The following SPAG16 variants were observed in gnomAD, a reference collection of about 807,000 sequenced individuals.
The protein encoded by SPAG16 is sperm-associated antigen 16 protein.
A neutral mutation model predicts 80.4 loss-of-function variants in SPAG16; 86 were observed. The observed-to-expected ratio is 1.07, with a 90% confidence interval of 0.90 to 1.28. The LOEUF (loss-of-function observed/expected upper bound fraction) is 1.28. Ranked by LOEUF, SPAG16 falls within the 50% of genes most tolerant of loss-of-function variation. The pLI, the probability that SPAG16 is intolerant of heterozygous loss-of-function variation, is 0.00. For missense variants in SPAG16, 870 were observed against 765.3 expected (o/e 1.14, Z -1.61); for synonymous variants, 294 against 265.9 (o/e 1.11, Z -1.03).
At chr2:213,875,590 C>T (rs2076112826) in intron 11 of SPAG16, among the ~76,000 whole-genome samples, 1 of 152,142 alleles carries the variant, frequency 6.6e-6, no homozygotes, top group Admixed American at 6.6e-5. Context: ...AAAAATAAAA[C>T]TTTAATTTCA....
intron 15 of SPAG16, among the ~76,000 whole-genome samples, chr2:214,384,361 G>T (rs1174653959): frequency 6.6e-6 from 1 of 152,180 alleles, no homozygotes; most frequent in African/African-American, 2.4e-5. Context: ...AGATGCTACA[G>T]ATAATCCTGT....
intron 15 of SPAG16, among the ~76,000 whole-genome samples, chr2:214,304,681 C>T (rs1008996599): frequency 1.3e-5 from 2 of 152,110 alleles, no homozygotes; most frequent in Non-Finnish European, 1.5e-5. Flanking sequence ...AGTGCCACTG[C>T]GTTAGGGTCT....
intron 13 of SPAG16, among the ~76,000 whole-genome samples, chr2:214,066,520 T>C (rs1321022585): frequency 6.6e-6 from 1 of 152,196 alleles, no homozygotes; most frequent in Non-Finnish European, 1.5e-5. Flanking sequence ...TTATTATAGT[T>C]GTCATTATTC....
At chr2:213,825,715 T>C (rs2073245227) in intron 10 of SPAG16, among the ~76,000 whole-genome samples, 1 of 148,840 alleles carries the variant, frequency 6.7e-6, no homozygotes, top group Non-Finnish European at 1.5e-5. Flanking sequence ...TTTTTTTTTT[T>C]TTTTTTTTGA....
intron 13 of SPAG16, among the ~76,000 whole-genome samples, chr2:214,070,847 A>G (rs968166445): frequency 6.6e-6 from 1 of 152,032 alleles, no homozygotes; most frequent in Non-Finnish European, 1.5e-5. Context: ...AATGTTATGC[A>G]GTTTTCTTTT....
intron 10 of SPAG16, among the ~76,000 whole-genome samples, chr2:213,737,772 G>A (rs1376166619): frequency 6.6e-6 from 1 of 152,222 alleles, no homozygotes; most frequent in South Asian, 2.1e-4. Context: ...ACAGGCGTGA[G>A]CCACCGCGCC....
intron 11 of SPAG16, among the ~76,000 whole-genome samples, chr2:213,907,561 A>G (rs943637072): frequency 6.6e-6 from 1 of 152,212 alleles, no homozygotes; most frequent in African/African-American, 2.4e-5. Flanking sequence ...TAAAAGCAGT[A>G]TATCAAAGTG....
At chr2:213,929,485 T>G (rs1197909916) in intron 11 of SPAG16, among the ~76,000 whole-genome samples, 1 of 152,214 alleles carries the variant, frequency 6.6e-6, no homozygotes, top group African/African-American at 2.4e-5. Context: ...TCATTCCTGA[T>G]TCACTTCTTC....
chr2:213,757,197 C>T (rs2068390843), intron 10 of SPAG16, among the ~76,000 whole-genome samples: 1 of 152,068 alleles, frequency 6.6e-6, no homozygotes, highest in African/African-American at 2.4e-5. Flanking sequence ...AAACTACAAA[C>T]ATTTCTAAAG....
At chr2:213,921,059 G>T (rs929131974) in intron 11 of SPAG16, among the ~76,000 whole-genome samples, 8 of 152,162 alleles carry the variant, frequency 5.3e-5, no homozygotes, top group Non-Finnish European at 1.0e-4. Flanking sequence ...GTAGCCTCCT[G>T]TAGGGTTCCC....
intron 10 of SPAG16, among the ~76,000 whole-genome samples, chr2:213,535,820 TC>T (rs545398083): frequency 3.2e-3 from 483 of 152,276 alleles, no homozygotes; most frequent in Non-Finnish European, 6.0e-3. Context: ...ACATTTTTTT[TC>T]ATGAGTCTTG....
At chr2:214,351,212 T>C (rs1006401870) in intron 15 of SPAG16, among the ~76,000 whole-genome samples, 2 of 152,176 alleles carry the variant, frequency 1.3e-5, no homozygotes, top group African/African-American at 4.8e-5. Flanking sequence ...TTGAAATTAC[T>C]AAAAGAGAAA....
At chr2:213,696,749 A>C (rs1294097618) in intron 10 of SPAG16, among the ~76,000 whole-genome samples, 3 of 152,188 alleles carry the variant, frequency 2.0e-5, no homozygotes, top group African/African-American at 7.2e-5. Context: ...GAGGGGTGTC[A>C]TTTGTTATAA....
intron 10 of SPAG16, among the ~76,000 whole-genome samples, chr2:213,576,477 A>G (rs1165465795): frequency 6.6e-6 from 1 of 152,190 alleles, no homozygotes; most frequent in African/African-American, 2.4e-5. Context: ...TACTGGATAT[A>G]TACCCAAAGG....
rs184201371 is a variant in SPAG16 at position 213,513,515 on chromosome 2, A to C, written c.1070+23425A>C. Among the ~76,000 whole-genome samples, 305 of 152,130 alleles carry C rather than the reference A, an allele frequency of 2.0e-3. 10 individuals are homozygous for C. Among genetic ancestry groups the C allele is most frequent in the Non-Finnish European group, 1.9e-4 (13 of 67,984 alleles). The stretch of plus-strand genomic sequence containing the variant: ...CTTTTTTTTTTGCAAGTGGTGACCC[A>C]TGGAATCTCAGGGATTTAGGATCTT... On this transcript the variant is annotated intron_variant, in intron 10 of 15. Transcript: ENST00000331683.
chr2:214,355,155 G>A (rs1487358165), intron 15 of SPAG16, among the ~76,000 whole-genome samples: 1 of 150,620 alleles, frequency 6.6e-6, no homozygotes, highest in Admixed American at 6.7e-5. Flanking sequence ...GGCAACAAAA[G>A]CCAAAATTGA....
intron 14 of SPAG16, among the ~76,000 whole-genome samples, chr2:214,132,603 A>G (rs80191661): frequency 1.7e-3 from 254 of 152,322 alleles, no homozygotes; most frequent in African/African-American, 5.0e-3. Context: ...GTTGGAGCCA[A>G]GTTTTAAGAA....
At position 213,721,669 on chromosome 2, in the gene SPAG16, C is replaced by T. The variant is rs570692545; in HGVS notation, c.1071-140816C>T. 3.3e-5 allele frequency among the ~76,000 whole-genome samples: 5 copies of T among 152,096 alleles called. No homozygotes were observed. In the East Asian group the frequency reaches 5.8e-4, roughly 18 times the overall value. On this transcript the variant is annotated intron_variant, in intron 10 of 15. Coordinates refer to ENST00000331683, the MANE Select transcript of SPAG16 (RefSeq NM_024532.5). ...CACTAGTCAGCACTGAATCATACTGCATGTGTATTTTGTTCTCAGCATGGA... is the reference window on the plus strand; with the variant it reads ...CACTAGTCAGCACTGAATCATACTGTATGTGTATTTTGTTCTCAGCATGGA...
intron 5 of SPAG16, among the ~76,000 whole-genome samples, chr2:213,322,772 G>A (rs2063679156): frequency 6.6e-6 from 1 of 152,152 alleles, no homozygotes; most frequent in Non-Finnish European, 1.5e-5. Flanking sequence ...GATTGGTAAG[G>A]GGTGGGGCAG....
Sources: gnomAD v4.1 joint callset for allele counts (sites outside exome capture counted in the v4.1 genomes callset) on GRCh38, gnomAD v4.1.1 for gene constraint, MANE v1.5 for transcripts, NCBI Gene and HGNC (gene_info 2026-07-23, HGNC 2026-07-21) for gene names.